DNAH11: variants seen among roughly 807,000 people sequenced by gnomAD.
DNAH11 encodes the protein dynein axonemal heavy chain 11.
In DNAH11, 442 loss-of-function variants were observed where a neutral mutation model predicts 526.0. The observed-to-expected ratio is 0.84, with a 90% CI of 0.78 to 0.91. DNAH11 has a LOEUF of 0.91. DNAH11 is among the 40% of genes least tolerant of loss of function. The pLI is 0.00. For synonymous variants in DNAH11, 2,461 were observed against 1,935.9 expected, an observed-to-expected ratio of 1.27 and a Z score of -7.12; for missense variants, 6,989 against 5,448.7, an observed-to-expected ratio of 1.28 and a Z score of -8.90.
chr7:21,748,498 T>G, intron 51 of DNAH11, 82 bp from the exon 52 acceptor site: 1 of 1,274,144 alleles, frequency 7.8e-7, no homozygotes, highest in Non-Finnish European at 1.0e-6. Flanking sequence ...CAAAAGCAAA[T>G]AAATAAATAA....
At chr7:21,722,008 G>C (rs1784896189) in intron 44 of DNAH11, among the ~76,000 whole-genome samples, 1 of 152,026 alleles carries the variant, frequency 6.6e-6, no homozygotes, top group African/African-American at 2.4e-5. Context: ...CTGATTTCCT[G>C]TGGGAAAACA....
chr7:21,581,204 C>T (rs1784294459), intron 8 of DNAH11, among the ~76,000 whole-genome samples: 1 of 152,182 alleles, frequency 6.6e-6, no homozygotes, highest in African/African-American at 2.4e-5. Flanking sequence ...CAAAATGTTT[C>T]TGAAATCCTG....
At chr7:21,857,351 A>T (rs1782890976) in intron 68 of DNAH11, among the ~76,000 whole-genome samples, 1 of 152,192 alleles carries the variant, frequency 6.6e-6, no homozygotes, top group Non-Finnish European at 1.5e-5. Context: ...CATGTTCATC[A>T]GTTGGAATGC....
intron 20 of DNAH11, among the ~76,000 whole-genome samples, chr7:21,613,837 G>T (rs7801945): frequency 6.6e-6 from 1 of 151,882 alleles, no homozygotes; most frequent in African/African-American, 2.4e-5. Context: ...TTTCAACTCA[G>T]TGCAGCCTCA....
rs201711952 is a variant in DNAH11 at position 21,786,301 on chromosome 7, C to CGT, written c.9598-323_9598-322insGT. ...CTATAAATATCTTACAACATATACA[C>CGT]ATGTGTGTGTGTGTGTGTGTGTGTG... On this transcript the variant is annotated intron_variant, in intron 58 of 81. Coordinates refer to ENST00000409508, the MANE Select transcript of DNAH11 (RefSeq NM_001277115.2). Among the ~76,000 whole-genome samples, 883 of 115,656 alleles carry CGT rather than the reference C, an allele frequency of 7.6e-3. 14 individuals are homozygous for CGT. The East Asian group carries it at 0.1, about 14-fold the overall frequency. The allele number at this position is 115,656 out of a possible 152,430, so 75.9% of individuals were successfully genotyped here.
At chr7:21,782,232 G>A (rs150197416) in intron 57 of DNAH11, among the ~76,000 whole-genome samples, 166 of 152,280 alleles carry the variant, frequency 1.1e-3, no homozygotes, top group African/African-American at 3.7e-3. Context: ...TCTACCCAAG[G>A]GTGAAACTGT....
At chr7:21,605,406 A>G (rs908551559) in intron 18 of DNAH11, among the ~76,000 whole-genome samples, 2 of 152,214 alleles carry the variant, frequency 1.3e-5, no homozygotes, top group Admixed American at 6.5e-5. Context: ...ATTATGCTCC[A>G]TGCATTGCTC....
At chr7:21,779,130 T>G (rs1251611456) in intron 57 of DNAH11, 26 bp downstream of exon 57, 1 of 1,600,796 alleles carries the variant, frequency 6.2e-7, no homozygotes, top group Non-Finnish European at 8.5e-7. Flanking sequence ...ACATTTAGAG[T>G]GCGGAGCTAT....
intron 63 of DNAH11, among the ~76,000 whole-genome samples, chr7:21,809,236 G>C (rs867942040): frequency 6.6e-6 from 1 of 151,988 alleles, no homozygotes. Flanking sequence ...CAAGTTTTTT[G>C]CTTTATTTGC....
At chr7:21,843,983 T>G (rs1482193897) in intron 66 of DNAH11, among the ~76,000 whole-genome samples, 2 of 152,240 alleles carry the variant, frequency 1.3e-5, no homozygotes, top group African/African-American at 2.4e-5. Context: ...AAGGATTTCT[T>G]CACACAGATG....
chr7:21,823,375 C>A (rs987920666), intron 65 of DNAH11, among the ~76,000 whole-genome samples: 18 of 152,172 alleles, frequency 1.2e-4, no homozygotes, highest in Middle Eastern at 3.4e-3. Context: ...CCAGCCCTTT[C>A]ATTTCTTCTT....
At chr7:21,754,172 T>A (rs915771897) in intron 54 of DNAH11, among the ~76,000 whole-genome samples, 8 of 152,188 alleles carry the variant, frequency 5.3e-5, no homozygotes, top group African/African-American at 1.9e-4. Context: ...TAGTAGGAAT[T>A]CTGTCTTGAT....
chr7:21,827,271 A>G (rs1450992906), intron 65 of DNAH11, among the ~76,000 whole-genome samples: 1 of 152,198 alleles, frequency 6.6e-6, no homozygotes, highest in African/African-American at 2.4e-5. Context: ...TTTTATATCA[A>G]TCGACAGCAA....
intron 45 of DNAH11, among the ~76,000 whole-genome samples, chr7:21,733,097 G>T (rs941446979): frequency 6.6e-6 from 1 of 152,202 alleles, no homozygotes; most frequent in Admixed American, 6.5e-5. Context: ...CAAAGAAGAA[G>T]CAGGGAAGGC....
chr7:21,732,828 AG>A (rs2128488115), intron 45 of DNAH11, among the ~76,000 whole-genome samples: 1 of 152,328 alleles, frequency 6.6e-6, no homozygotes, highest in African/African-American at 2.4e-5. Flanking sequence ...ACTTCAAAGG[AG>A]GCAGGGACTT....
chr7:21,547,894 T>G (rs753197956), intron 2 of DNAH11, among the ~76,000 whole-genome samples: 1 of 152,216 alleles, frequency 6.6e-6, no homozygotes, highest in Non-Finnish European at 1.5e-5. Context: ...AGAGCAACTT[T>G]AATTTGGTCT....
chr7:21,649,656 CTT>C (rs576947483), intron 28 of DNAH11, among the ~76,000 whole-genome samples: 2 of 140,250 alleles, frequency 1.4e-5, no homozygotes, highest in African/African-American at 5.2e-5. Context: ...GTATCCTACT[CTT>C]TTTTTTTTTT....
chr7:21,800,020 A>C (rs757790018), intron 61 of DNAH11, among the ~76,000 whole-genome samples: 2 of 152,218 alleles, frequency 1.3e-5, no homozygotes, highest in Non-Finnish European at 2.9e-5. Context: ...GAGCTCATTC[A>C]AAATACCTTA....
chr7:21,772,983 G>C (rs1362264039), intron 55 of DNAH11, among the ~76,000 whole-genome samples: 1 of 152,216 alleles, frequency 6.6e-6, no homozygotes. Context: ...ACTTTCCTAA[G>C]AGTTGGTGTA....
Sources: gnomAD v4.1 joint callset for allele counts (sites outside exome capture counted in the v4.1 genomes callset) on GRCh38, gnomAD v4.1.1 for gene constraint, MANE v1.5 for transcripts, NCBI Gene and HGNC (gene_info 2026-07-23, HGNC 2026-07-21) for gene names.